The following POLA1 variants were observed in gnomAD, a reference collection of about 807,000 sequenced individuals.
POLA1 encodes DNA polymerase alpha 1, catalytic subunit.
Under a neutral mutation model 124.0 loss-of-function variants are expected in POLA1, and 15 were observed. That is an observed-to-expected ratio of 0.12 (90% CI 0.08 to 0.19). POLA1 has a LOEUF of 0.19. Among genes scored for constraint, POLA1 ranks in the 10% least tolerant of loss-of-function variants. POLA1 has a pLI of 1.00. For missense variants in POLA1, 886 were observed against 1,103.4 expected (o/e 0.80, Z 2.79); for synonymous variants, 408 against 389.4 (o/e 1.05, Z -0.56).
At position 24,977,790 on chromosome X, in the gene POLA1, A is replaced by G. The variant is rs937512698; in HGVS notation, c.4262-18015A>G. On this transcript the variant is annotated intron_variant, in intron 36 of 36. Coordinates refer to ENST00000379068, the MANE Select transcript of POLA1 (RefSeq NM_001330360.2). The stretch of plus-strand genomic sequence containing the variant: ...CAGAATAGATCCAGTCTCCTCCCTG[A>G]AGAGGATTAGCTGGCTTCGGGCATC... 2.7e-5 allele frequency among the ~76,000 whole-genome samples: 3 copies of G among 111,830 alleles called. No homozygotes were observed. The East Asian group carries it at 8.4e-4, about 31-fold the overall frequency.
At chrX:24,988,530 C>T (rs1231916783) in intron 36 of POLA1, among the ~76,000 whole-genome samples, 1 of 112,757 alleles carries the variant, frequency 8.9e-6, no homozygotes, top group Non-Finnish European at 1.9e-5. Flanking sequence ...CCTGTGTACA[C>T]ACCCATATCC....
intron 15 of POLA1, 122 bp from the exon 16 acceptor site, chrX:24,732,248 C>T (rs745567961): frequency 2.3e-4 from 113 of 495,124 alleles, no homozygotes; most frequent in Non-Finnish European, 3.8e-4. Context: ...AGCCACCACG[C>T]CTGGCCAAAC....
chrX:24,847,267 G>A (rs977660482), intron 34 of POLA1, among the ~76,000 whole-genome samples: 1 of 111,795 alleles, frequency 8.9e-6, no homozygotes, highest in Admixed American at 9.5e-5. Context: ...CTCAAGTACT[G>A]TTCTTTTTAA....
intron 34 of POLA1, among the ~76,000 whole-genome samples, chrX:24,849,236 A>G (rs2046516354): frequency 8.8e-6 from 1 of 113,007 alleles, no homozygotes; most frequent in African/African-American, 3.2e-5. Context: ...CATCCCACCC[A>G]TTCAACATCA....
chrX:24,757,436 C>CT (rs66782103), intron 26 of POLA1, among the ~76,000 whole-genome samples: 2,041 of 62,080 alleles, frequency 0.033, 257 homozygotes, highest in African/African-American at 0.15. Flanking sequence ...AAATCTGAAA[C>CT]TTTTTTTTTT....
intron 34 of POLA1, among the ~76,000 whole-genome samples, chrX:24,885,122 T>C (rs757551889): frequency 3.5e-4 from 39 of 112,393 alleles, no homozygotes; most frequent in African/African-American, 1.2e-3. Flanking sequence ...ATTAAATAAT[T>C]TTAATATCCA....
At chrX:24,727,213 A>G in intron 14 of POLA1, 142 bp downstream of exon 14, 1 of 491,373 alleles carries the variant, frequency 2.0e-6, no homozygotes. Context: ...TTGAGTGAGT[A>G]TAGGGAGTAC....
chrX:24,923,746 C>T (rs1237751806), intron 35 of POLA1, among the ~76,000 whole-genome samples: 1 of 112,049 alleles, frequency 8.9e-6, no homozygotes, highest in Non-Finnish European at 1.9e-5. Flanking sequence ...ATTTCTGTAG[C>T]CTATGGAAAT....
chrX:24,725,423 C>G (rs1364161963), intron 12 of POLA1, among the ~76,000 whole-genome samples: 1 of 110,602 alleles, frequency 9.0e-6, no homozygotes, highest in Non-Finnish European at 1.9e-5. Flanking sequence ...GTCTTGAACT[C>G]CAGACCTCAA....
At chrX:24,959,011 CA>C (rs773131398) in intron 36 of POLA1, among the ~76,000 whole-genome samples, 1 of 111,949 alleles carries the variant, frequency 8.9e-6, no homozygotes, top group South Asian at 3.8e-4. Flanking sequence ...CTGTCAAAAT[CA>C]ACATGTCCAG....
intron 32 of POLA1, among the ~76,000 whole-genome samples, chrX:24,834,079 C>G (rs2046306576): frequency 9.8e-6 from 1 of 101,869 alleles, no homozygotes; most frequent in African/African-American, 3.7e-5. Context: ...GCACTCCAGC[C>G]TGGGTGACAG....
intron 36 of POLA1, among the ~76,000 whole-genome samples, chrX:24,972,273 A>T (rs2048313734): frequency 8.9e-6 from 1 of 112,323 alleles, no homozygotes; most frequent in Non-Finnish European, 1.9e-5. Flanking sequence ...GCCTGGCCGG[A>T]GGATTTAATT....
intron 35 of POLA1, among the ~76,000 whole-genome samples, chrX:24,897,982 A>G (rs1434414185): frequency 8.9e-6 from 1 of 112,292 alleles, no homozygotes; most frequent in Non-Finnish European, 1.9e-5. Context: ...GCTGAAAGAG[A>G]TTGACTATTA....
At chrX:24,786,172 A>G (rs2045357269) in intron 26 of POLA1, among the ~76,000 whole-genome samples, 1 of 112,380 alleles carries the variant, frequency 8.9e-6, no homozygotes, top group Admixed American at 9.4e-5. Flanking sequence ...TGCAGTGAAC[A>G]TGGGCGTACA....
intron 35 of POLA1, among the ~76,000 whole-genome samples, chrX:24,894,551 T>C (rs969208287): frequency 4.5e-5 from 5 of 112,149 alleles, no homozygotes; most frequent in African/African-American, 1.6e-4. Context: ...CTCTGAAATT[T>C]ACGGGGAATC....
At chrX:24,979,477 A>T (rs990798599) in intron 36 of POLA1, among the ~76,000 whole-genome samples, 1 of 112,373 alleles carries the variant, frequency 8.9e-6, no homozygotes, top group Admixed American at 9.4e-5. Context: ...AAGTAAATTC[A>T]CTGGAATCTC....
At chrX:24,792,731 C>T (rs779789593) in intron 26 of POLA1, among the ~76,000 whole-genome samples, 17 of 112,003 alleles carry the variant, frequency 1.5e-4, no homozygotes, top group African/African-American at 4.2e-4. Flanking sequence ...GGAAAACAAA[C>T]GTAAGACACG....
chrX:24,881,335 C>T (rs1009568826), intron 34 of POLA1, among the ~76,000 whole-genome samples: 3 of 111,471 alleles, frequency 2.7e-5, no homozygotes, highest in Non-Finnish European at 5.6e-5. Flanking sequence ...TTCCCCAATA[C>T]CAGAGACAGG....
chrX:24,831,431 T>G (rs2046259114), intron 32 of POLA1, among the ~76,000 whole-genome samples: 1 of 111,515 alleles, frequency 9.0e-6, no homozygotes, highest in East Asian at 2.8e-4. Context: ...TATTTTTTAT[T>G]TTTTTTTGAG....
Sources: allele counts gnomAD v4.1 joint callset (sites outside exome capture counted in the v4.1 genomes callset), GRCh38; gene constraint gnomAD v4.1.1; transcripts MANE v1.5; gene names NCBI Gene and HGNC (gene_info 2026-07-23, HGNC 2026-07-21).